Variants in WDR81 observed in about 807,000 individuals in gnomAD.
The protein encoded by WDR81 is WD repeat-containing protein 81.
In WDR81, 92 loss-of-function variants were observed where a neutral mutation model predicts 140.8. That is an observed-to-expected ratio of 0.65 (90% CI 0.55 to 0.78). The LOEUF (loss-of-function observed/expected upper bound fraction) is 0.78. Among genes scored for constraint, WDR81 ranks in the 30% least tolerant of loss-of-function variants. The probability of loss-of-function intolerance (pLI) is 0.00; values close to 1 mark genes in which losing one functional copy is unlikely to be tolerated. For synonymous variants in WDR81, 1,183 were observed against 1,156.4 expected (o/e 1.02, Z -0.47); for missense variants, 2,502 against 2,636.4 (o/e 0.95, Z 1.12).
At chr17:1,729,427 C>G (rs1043853482) in intron 1 of WDR81, among the ~76,000 whole-genome samples, 1 of 151,926 alleles carries the variant, frequency 6.6e-6, no homozygotes, top group Non-Finnish European at 1.5e-5. Context: ...TTGCAGTGAG[C>G]TGAGATCACA....
chr17:1,732,370 C>T lies in WDR81; in HGVS notation c.4203C>T (p.Thr1401=), dbSNP rs768826794. 6 of 1,613,492 alleles carry T rather than the reference C, an allele frequency of 3.7e-6. No individual in the cohort carries two copies. Among genetic ancestry groups the T allele is most frequent in the East Asian group, 2.2e-5 (1 of 44,900 alleles). The part of the protein sequence containing the change: ...AQARTILCVK[T]ISLIALICLR... ...CTCGGACCATCCTGTGTGTGAAAAC[C>T]ATCAGCCTCATCGCCCTCATCTGCC... is the stretch of plus-strand genomic sequence containing the variant. The change falls in exon 5 of 10, where the codon ACC becomes ACT. Residue 1401 remains threonine (T), a synonymous_variant. Coordinates refer to ENST00000409644, the MANE Select transcript of WDR81 (RefSeq NM_001163809.2).
chr17:1,719,681 G>A (rs929285681), intron 1 of WDR81, among the ~76,000 whole-genome samples: 1 of 150,620 alleles, frequency 6.6e-6, no homozygotes, highest in African/African-American at 2.4e-5. Context: ...CCTGGGCAAC[G>A]TGGCAAGACC....
In WDR81 at chr17:1,735,670, T is replaced by C. The variant is rs747989560; in HGVS notation, c.5278T>C (p.Ser1760Pro). Residue 1760 changes from serine (S) to proline (P), a missense_variant, in exon 8 of 10, where the codon TCT becomes CCT. Physicochemically the swap from Ser to Pro is moderately conservative, Grantham distance 74. This residue lies in a region of WDR81 where 1,737 missense variants were observed against 1,843.0 expected (regional missense o/e 0.94). Transcript: ENST00000409644. This position sits in a 1 kb window ranked among gnomAD's most constrained non-coding sequence, Gnocchi z 4.2. ...APHTSITMAS[S>P]DSTLRFVDCR... is the part of the protein sequence containing the mutation. ...CCACACCAGCATCACCATGGCCAGC[T>C]CTGACTCTACCCTGCGCTTTGTGGA... is the stretch of plus-strand genomic sequence containing the variant. 3 of 1,612,848 alleles carry C rather than the reference T, an allele frequency of 1.9e-6. No homozygotes were observed. The Admixed American group carries it at 5.0e-5, about 27-fold the overall frequency.
Position 1,737,383 on chromosome 17 carries a change from C to G in WDR81, c.5524C>G (p.Leu1842Val), listed in dbSNP as rs754228534. The G allele has an allele frequency of 3.1e-6, 5 of 1,610,928 alleles. No individual in the cohort carries two copies. Among genetic ancestry groups the G allele is most frequent in the Admixed American group, 3.3e-5 (2 of 59,936 alleles). Residue 1842 changes from leucine to valine, a missense_variant, in exon 10 of 10, where the codon CTG becomes GTG. By Grantham distance (32) the Leu-to-Val change is conservative. Around this residue, in one of 3 missense-constraint regions of WDR81, gnomAD observed 1,737 missense variants for 1,843.0 expected, o/e 0.94. Coordinates refer to ENST00000409644, the MANE Select transcript of WDR81 (RefSeq NM_001163809.2). ...GGGACAGGCGGTGGAGGGCAGCGTCCTGGTCAGCTCCTCCTCTGACCATTC... is the reference window on the plus strand; with the variant it reads ...GGGACAGGCGGTGGAGGGCAGCGTCGTGGTCAGCTCCTCCTCTGACCATTC... ...LQIKAVEGSV[L>V]VSSSSDHSLT...
At chr17:1,728,701 T>A in intron 1 of WDR81, 75 bp downstream of exon 1, 1 of 1,396,218 alleles carries the variant, frequency 7.2e-7, no homozygotes, top group Non-Finnish European at 9.4e-7. Flanking sequence ...ACGCCTGTAT[T>A]CCCAGCACTT....
At chr17:1,730,241 G>A (rs1255511405) in intron 1 of WDR81, 139 bp from the exon 2 acceptor site, 5 of 654,250 alleles carry the variant, frequency 7.6e-6, no homozygotes, top group African/African-American at 7.3e-5. Context: ...TGGAGGGGGT[G>A]GTGTGGGACA....
At chr17:1,736,649 C>T (rs1045016326) in intron 9 of WDR81, among the ~76,000 whole-genome samples, 1 of 152,194 alleles carries the variant, frequency 6.6e-6, no homozygotes. Context: ...TGCCGGGCTG[C>T]CCTGGCTGGG....
At chr17:1,736,301 G>T in intron 9 of WDR81, 83 bp downstream of exon 9, 1 of 1,480,898 alleles carries the variant, frequency 6.8e-7, no homozygotes, top group Non-Finnish European at 9.0e-7. Flanking sequence ...CTGCCTGCCC[G>T]GGTTCAGGCT....
intron 2 of WDR81, 58 bp from the exon 3 acceptor site, chr17:1,730,697 G>T (rs1334047832): frequency 1.3e-6 from 2 of 1,541,878 alleles, no homozygotes; most frequent in African/African-American, 2.7e-5. Flanking sequence ...GCCCTGCAGG[G>T]CCAGGCTACC....
upstream of WDR81, among the ~76,000 whole-genome samples, chr17:1,722,534 T>TG (rs1455099765): frequency 6.6e-6 from 1 of 151,290 alleles, no homozygotes; most frequent in Non-Finnish European, 1.5e-5. Flanking sequence ...TTAGTAGAGA[T>TG]GGGGTTTCTC....
intron 1 of WDR81, among the ~76,000 whole-genome samples, chr17:1,719,656 A>C (rs4790815): frequency 6.6e-6 from 1 of 151,496 alleles, no homozygotes; most frequent in East Asian, 1.9e-4. Flanking sequence ...TTTGAGCCCA[A>C]GAGTTCAAGA....
At position 1,728,227 on chromosome 17, in the gene WDR81, T is replaced by C; in HGVS notation, c.3268T>C (p.Tyr1090His). ...PETEDFQAGL[Y>H]VTESPQPQEA... ...GACAGAGGACTTCCAAGCCGGGCTCTATGTGACTGAGTCTCCCCAGCCCCA... is the reference window on the plus strand; with the variant it reads ...GACAGAGGACTTCCAAGCCGGGCTCCATGTGACTGAGTCTCCCCAGCCCCA... Residue 1090 changes from tyrosine (Y) to histidine (H), a missense_variant, in exon 1 of 10, where the codon TAT becomes CAT. Tyr to His is a moderately conservative substitution (Grantham distance 83). Coordinates refer to ENST00000409644, the MANE Select transcript of WDR81 (RefSeq NM_001163809.2). The C allele has an allele frequency of 1.2e-6, 2 of 1,608,960 alleles. No homozygotes were observed. The highest frequency in any genetic ancestry group is 2.2e-5 in the South Asian group (2 of 90,904).
intron 3 of WDR81, 27 bp from the exon 4 acceptor site, chr17:1,731,041 C>T (rs552440676): frequency 2.8e-5 from 45 of 1,607,784 alleles, no homozygotes; most frequent in Middle Eastern, 1.7e-4. Context: ...TGGGGCTGCC[C>T]GGCCCTCATC....
At position 1,733,588 on chromosome 17, in the gene WDR81, C is replaced by G; in HGVS notation, c.4551C>G (p.Tyr1517Ter). 6.4e-7 allele frequency: 1 copy of G among 1,555,372 alleles called. No individual in the cohort carries two copies. The highest frequency in any genetic ancestry group is 1.2e-5 in the South Asian group (1 of 82,288). Residue 1517 changes from tyrosine (Y) to a stop codon, truncating the protein, a stop_gained, in exon 7 of 10, where the codon TAC (tyrosine) becomes TAG (stop). Coordinates refer to ENST00000409644, the MANE Select transcript of WDR81 (RefSeq NM_001163809.2). LOFTEE classifies it high-confidence loss of function. ...HELVGELAALYLESISPSSRN... is the reference protein window; with the variant it reads ...HELVGELAAL The stretch of plus-strand genomic sequence containing the variant: ...TGGTTGGGGAGCTGGCGGCGCTGTA[C>G]TTGGAGAGCATCAGCCCCAGCAGTC...
upstream of WDR81, among the ~76,000 whole-genome samples, chr17:1,722,134 AT>A (rs759261868): frequency 4.6e-5 from 7 of 152,038 alleles, no homozygotes; most frequent in Non-Finnish European, 7.3e-5. Flanking sequence ...AAAAAAAAAA[AT>A]CTTCTTAAAA....
upstream of WDR81, among the ~76,000 whole-genome samples, chr17:1,720,529 C>T (rs946160742): frequency 2.4e-4 from 36 of 152,172 alleles, no homozygotes; most frequent in African/African-American, 8.5e-4. Context: ...GTAATTCCAG[C>T]ACTTTGGGAG....
At position 1,727,240 on chromosome 17, in the gene WDR81, G is replaced by A. The variant is rs1915343428; in HGVS notation, c.2281G>A (p.Val761Met). ...TGAGCAGCCCCGGGTCCAGCCGGCT[G>A]TGCCACTGCAGTGCCTACTCCACAG... is the stretch of plus-strand genomic sequence containing the variant. ...VPEQPRVQPA[V>M]PLQCLLHRDM... Residue 761 changes from valine (V) to methionine (M), a missense_variant, in exon 1 of 10, where the codon GTG (valine) becomes ATG (methionine). Physicochemically the swap from Val to Met is conservative, Grantham distance 21. Transcript: ENST00000409644. The A allele has an allele frequency of 1.3e-6, 2 of 1,550,260 alleles. No homozygotes were observed. Among genetic ancestry groups the A allele is most frequent in the Admixed American group, 3.9e-5 (2 of 50,990 alleles).
chr17:1,727,813 G>T lies in WDR81; in HGVS notation c.2854G>T (p.Ala952Ser), dbSNP rs750125796. 6.4e-7 allele frequency: 1 copy of T among 1,550,632 alleles called. No individual in the cohort carries two copies. The highest frequency in any genetic ancestry group is 1.2e-5 in the South Asian group (1 of 84,064). Residue 952 changes from alanine (A) to serine (S), a missense_variant, in exon 1 of 10, where the codon GCA becomes TCA. Transcript: ENST00000409644. ...GTATCTGTTTGAGCCTGTTGCCAAGGCACTGGGCCCCAAAAATGCCAATAA... is the reference window on the plus strand; with the variant it reads ...GTATCTGTTTGAGCCTGTTGCCAAGTCACTGGGCCCCAAAAATGCCAATAA... ...AWYLFEPVAK[A>S]LGPKNANKYL...
Position 1,733,751 on chromosome 17 carries a change from A to T in WDR81, c.4714A>T (p.Asn1572Tyr). ...GGTGGGGAACCGCATTCAGATCCCC[A>T]ATGACTCTCGGCCTGAGAACCCCGG... is the stretch of plus-strand genomic sequence containing the variant. The part of the protein sequence containing the change: ...VLVGNRIQIP[N>Y]DSRPENPGPL... The change falls in exon 7 of 10, where the codon AAT becomes TAT. Residue 1572 changes from asparagine to tyrosine, a missense_variant. Transcript: ENST00000409644. The T allele has an allele frequency of 6.2e-7, 1 of 1,612,428 alleles. No individual in the cohort carries two copies. The highest frequency in any genetic ancestry group is 8.5e-7 in the Non-Finnish European group (1 of 1,179,806).
Sources: allele counts gnomAD v4.1 joint callset (sites outside exome capture counted in the v4.1 genomes callset), GRCh38; gene constraint gnomAD v4.1.1; regional missense constraint gnomAD v4.1.1; non-coding constraint Gnocchi (gnomAD v3.1); transcripts MANE v1.5; gene names NCBI Gene and HGNC (gene_info 2026-07-23, HGNC 2026-07-21).